Variants in MYT1L observed in about 807,000 individuals in gnomAD.
The protein encoded by MYT1L is myelin transcription factor 1-like protein.
A neutral mutation model predicts 126.7 loss-of-function variants in MYT1L; 12 were observed. The ratio of observed to expected loss-of-function variants is 0.09; its 90% CI spans 0.06 to 0.15. MYT1L has a LOEUF of 0.15. Ranked by LOEUF, MYT1L falls within the 10% of genes least tolerant of loss-of-function variation. The probability of loss-of-function intolerance (pLI) is 1.00; values close to 1 mark genes in which losing one functional copy is unlikely to be tolerated. For missense variants in MYT1L, 979 were observed against 1,585.2 expected, an observed-to-expected ratio of 0.62 and a Z score of 6.49; for synonymous variants, 541 against 604.2, an observed-to-expected ratio of 0.90 and a Z score of 1.53.
intron 1 of MYT1L, among the ~76,000 whole-genome samples, chr2:2,305,416 A>G (rs2149556630): frequency 6.6e-6 from 1 of 152,332 alleles, no homozygotes; most frequent in Middle Eastern, 3.4e-3. Flanking sequence ...TCTTTTCCCT[A>G]AAAAAGTTAA....
chr2:2,038,398 C>T (rs1287735621), intron 4 of MYT1L, among the ~76,000 whole-genome samples: 1 of 152,150 alleles, frequency 6.6e-6, no homozygotes, highest in Non-Finnish European at 1.5e-5. Context: ...TCAGATCTAA[C>T]ATCAAGCCAG....
chr2:2,314,370 G>A (rs1249611478), intron 1 of MYT1L, among the ~76,000 whole-genome samples: 1 of 151,970 alleles, frequency 6.6e-6, no homozygotes. Flanking sequence ...TGACCATTCA[G>A]AACACTACAT....
At chr2:2,179,100 C>T (rs553448821) in intron 2 of MYT1L, among the ~76,000 whole-genome samples, 184 of 152,186 alleles carry the variant, frequency 1.2e-3, no homozygotes, top group African/African-American at 4.1e-3. Flanking sequence ...TGGGGTACTG[C>T]GAACGAACAC....
intron 3 of MYT1L, among the ~76,000 whole-genome samples, chr2:2,148,633 G>C (rs932020919): frequency 6.6e-6 from 1 of 152,168 alleles, no homozygotes; most frequent in Non-Finnish European, 1.5e-5. Context: ...TAGAGAATAC[G>C]GTTGTCTCCA....
intron 3 of MYT1L, among the ~76,000 whole-genome samples, chr2:2,158,647 A>ACG (rs1553518990): frequency 3.4e-5 from 5 of 149,174 alleles, no homozygotes; most frequent in South Asian, 2.1e-4. Context: ...ACACACACAC[A>ACG]CGCGTAGGTG....
intron 13 of MYT1L, among the ~76,000 whole-genome samples, chr2:1,904,760 C>A (rs1316488666): frequency 2.6e-5 from 4 of 151,522 alleles, no homozygotes; most frequent in Non-Finnish European, 4.4e-5. Context: ...GCCTCCCAGG[C>A]AGCTGGGATT....
At chr2:2,037,943 A>G (rs780510447) in intron 4 of MYT1L, among the ~76,000 whole-genome samples, 2 of 152,122 alleles carry the variant, frequency 1.3e-5, no homozygotes, top group Non-Finnish European at 2.9e-5. Flanking sequence ...AACTCCCAGC[A>G]CCGACTCTGC....
intron 1 of MYT1L, among the ~76,000 whole-genome samples, chr2:2,291,055 C>A (rs756400746): frequency 1.6e-4 from 23 of 148,342 alleles, no homozygotes; most frequent in Non-Finnish European, 3.3e-4. Context: ...AAGGGAAAGG[C>A]TAGGTAAAAA....
chr2:2,120,503 AAAGT>A (rs1156897218), intron 3 of MYT1L, among the ~76,000 whole-genome samples: 1 of 151,908 alleles, frequency 6.6e-6, no homozygotes, highest in African/African-American at 2.4e-5. Context: ...AAATCATTGT[AAAGT>A]CAGTACAGGG....
chr2:2,087,684 A>G (rs1047025276), intron 3 of MYT1L, among the ~76,000 whole-genome samples: 1 of 152,266 alleles, frequency 6.6e-6, no homozygotes, highest in African/African-American at 2.4e-5. Context: ...TGCCCTGTCC[A>G]TGAACTGAAT....
intron 3 of MYT1L, among the ~76,000 whole-genome samples, chr2:2,107,241 G>A (rs1476410334): frequency 3.7e-4 from 57 of 152,340 alleles, no homozygotes; most frequent in East Asian, 1.9e-4. Flanking sequence ...TGCCGGTGAC[G>A]TCGAGCACAA....
chr2:2,076,575 A>G (rs1411385713), intron 3 of MYT1L, among the ~76,000 whole-genome samples: 1 of 152,256 alleles, frequency 6.6e-6, no homozygotes, highest in Admixed American at 6.5e-5. Flanking sequence ...CAGAGGAATC[A>G]GTAACCAAAC....
chr2:2,150,586 T>C (rs1432140381), intron 3 of MYT1L, among the ~76,000 whole-genome samples: 1 of 152,222 alleles, frequency 6.6e-6, no homozygotes, highest in Non-Finnish European at 1.5e-5. Context: ...ATTACAATTT[T>C]TTTTAGAAAT....
At chr2:2,263,520 A>C (rs2095043627) in intron 2 of MYT1L, among the ~76,000 whole-genome samples, 2 of 152,160 alleles carry the variant, frequency 1.3e-5, no homozygotes. Context: ...CACAGATACC[A>C]AGCAAGACAA....
chr2:2,129,117 C>CA (rs1204568420), intron 3 of MYT1L, among the ~76,000 whole-genome samples: 2 of 152,200 alleles, frequency 1.3e-5, no homozygotes, highest in Non-Finnish European at 2.9e-5. Context: ...ACTGAGAAGA[C>CA]AGACGCTAAT....
intron 2 of MYT1L, among the ~76,000 whole-genome samples, chr2:2,178,110 T>G (rs2091031493): frequency 6.6e-6 from 1 of 152,184 alleles, no homozygotes. Flanking sequence ...AATAATTTAC[T>G]TGATTGCCAA....
intron 3 of MYT1L, among the ~76,000 whole-genome samples, chr2:2,109,626 G>C (rs1323501611): frequency 6.6e-6 from 1 of 151,964 alleles, no homozygotes; most frequent in Non-Finnish European, 1.5e-5. Flanking sequence ...ACTTCTTGTA[G>C]TACTTGGGGT....
At chr2:1,975,453 G>T (rs2060097469) in intron 8 of MYT1L, among the ~76,000 whole-genome samples, 1 of 152,370 alleles carries the variant, frequency 6.6e-6, no homozygotes, top group Non-Finnish European at 1.5e-5. Context: ...GGCAGGCTGG[G>T]CATGATGGCT....
At position 1,979,076 on chromosome 2, in the gene MYT1L, C is replaced by T; in HGVS notation, c.152+89G>A. 9.7e-7 allele frequency: 1 copy of T among 1,033,506 alleles called. No homozygotes were observed. The highest frequency in any genetic ancestry group is 2.1e-5 in the Admixed American group (1 of 47,418). The allele number at this position is 1,033,506 out of a possible 1,614,324, so 64.0% of individuals were successfully genotyped here. ...CATAATGTGTATTGCTTTCCAAGAACACCTGCTCACACAGTTCATCATCAG... is the reference window on the plus strand; with the variant it reads ...CATAATGTGTATTGCTTTCCAAGAATACCTGCTCACACAGTTCATCATCAG... On this transcript the variant is annotated intron_variant, in intron 8 of 24. Coordinates refer to ENST00000647738, the MANE Select transcript of MYT1L (RefSeq NM_001303052.2). The surrounding 1 kb of genome is among the most constrained non-coding windows in gnomAD (Gnocchi z 4.0).
Sources: allele counts gnomAD v4.1 joint callset (sites outside exome capture counted in the v4.1 genomes callset), GRCh38; gene constraint gnomAD v4.1.1; non-coding constraint Gnocchi (gnomAD v3.1); transcripts MANE v1.5; gene names NCBI Gene and HGNC (gene_info 2026-07-23, HGNC 2026-07-21).